EFHC2: variants seen among roughly 807,000 people sequenced by gnomAD.
EFHC2 encodes the protein EF-hand domain-containing family member C2.
In EFHC2, 18 loss-of-function variants were observed where a neutral mutation model predicts 52.7. That is an observed-to-expected ratio of 0.34 (90% CI 0.24 to 0.51). The LOEUF (loss-of-function observed/expected upper bound fraction) is 0.51, where lower values mean the gene tolerates loss of function less well. Among genes scored for constraint, EFHC2 ranks in the 20% least tolerant of loss-of-function variants. The pLI, the probability that EFHC2 is intolerant of heterozygous loss-of-function variation, is 0.97. For synonymous variants in EFHC2, 203 were observed against 204.1 expected, an observed-to-expected ratio of 0.99 and a Z score of 0.04; for missense variants, 513 against 562.5, an observed-to-expected ratio of 0.91 and a Z score of 0.89.
chrX:44,183,070 G>A (rs972316796), intron 11 of EFHC2, among the ~76,000 whole-genome samples: 1 of 111,289 alleles, frequency 9.0e-6, no homozygotes, highest in Non-Finnish European at 1.9e-5. Context: ...CTGAATCTCA[G>A]GGTATTTTCT....
In EFHC2 at chrX:44,248,415, A is replaced by C; in HGVS notation, c.973-5T>G. ...CTCTTGGTCTACTTTTCCTAGCTAA[A>C]AAAGACAAAGGAACATAGCATTGGC... On this transcript the variant is annotated splice_polypyrimidine_tract_variant and splice_region_variant and intron_variant, in intron 6 of 14. Transcript: ENST00000420999. 8.4e-7 allele frequency: 1 copy of C among 1,190,988 alleles called. No individual in the cohort carries two copies.
At chrX:44,325,728 C>G (rs1222620226) in intron 1 of EFHC2, among the ~76,000 whole-genome samples, 2 of 104,677 alleles carry the variant, frequency 1.9e-5, no homozygotes, top group Non-Finnish European at 1.9e-5. Context: ...CTCAAAAGCC[C>G]AGATGCTTGA....
Position 44,148,711 on chromosome X carries a change from G to T in EFHC2, c.*84C>A, listed in dbSNP as rs1373929455. On this transcript the variant is annotated 3_prime_UTR_variant, in exon 15 of 15. Transcript: ENST00000420999. ...TTAATATAAACCTTGTTTCTTTTTTGTTTTTAATGAAATTATATCTACTAA... is the reference window on the plus strand; with the variant it reads ...TTAATATAAACCTTGTTTCTTTTTTTTTTTTAATGAAATTATATCTACTAA... 8.8e-6 allele frequency: 7 copies of T among 798,501 alleles called. No homozygotes were observed. The highest frequency in any genetic ancestry group is 2.6e-5 in the South Asian group (1 of 38,017). 65.8% of individuals were successfully genotyped at this position (798,501 alleles called of 1,213,427 possible). A position where few individuals can be genotyped will look rare whatever the true frequency, so the allele number is the denominator to read the frequency against.
chrX:44,254,893 A>G (rs1393763854), intron 4 of EFHC2, among the ~76,000 whole-genome samples: 2 of 112,077 alleles, frequency 1.8e-5, no homozygotes, highest in Non-Finnish European at 3.8e-5. Context: ...GTTACCCACA[A>G]AGGGAAGCCC....
At chrX:44,155,189 T>C (rs184131579) in intron 14 of EFHC2, among the ~76,000 whole-genome samples, 4 of 112,331 alleles carry the variant, frequency 3.6e-5, no homozygotes, top group African/African-American at 1.3e-4. Context: ...CTGGGAATCA[T>C]TGTCTCCAAG....
At chrX:44,169,896 T>C (rs1261038755) in intron 13 of EFHC2, among the ~76,000 whole-genome samples, 1 of 111,868 alleles carries the variant, frequency 8.9e-6, no homozygotes, top group African/African-American at 3.3e-5. Flanking sequence ...GCAGACAGTA[T>C]CTGCAAATGA....
chrX:44,200,131 AGCT>A (rs1316687760), intron 11 of EFHC2, among the ~76,000 whole-genome samples: 4 of 111,968 alleles, frequency 3.6e-5, no homozygotes, highest in Non-Finnish European at 7.5e-5. Context: ...ACATAGAAAA[AGCT>A]GGGTGAGGGA....
chrX:44,190,354 A>C (rs1031442046), intron 11 of EFHC2, among the ~76,000 whole-genome samples: 1 of 111,608 alleles, frequency 9.0e-6, no homozygotes, highest in African/African-American at 3.3e-5. Context: ...GGGCAAAGGA[A>C]AAGAGAACAG....
chrX:44,266,986 A>G (rs767688637), intron 3 of EFHC2, among the ~76,000 whole-genome samples: 10 of 112,117 alleles, frequency 8.9e-5, no homozygotes, highest in Non-Finnish European at 1.7e-4. Context: ...ACTAAGAATC[A>G]TAGGGAAGCC....
intron 14 of EFHC2, among the ~76,000 whole-genome samples, chrX:44,153,641 G>C (rs745473799): frequency 9.0e-6 from 1 of 111,303 alleles, no homozygotes; most frequent in Non-Finnish European, 1.9e-5. Context: ...ATGGGGTGAG[G>C]GGCATCAATT....
intron 4 of EFHC2, among the ~76,000 whole-genome samples, chrX:44,260,085 T>C (rs772838689): frequency 1.8e-5 from 2 of 111,574 alleles, no homozygotes; most frequent in South Asian, 7.7e-4. Flanking sequence ...AACTCATCTA[T>C]GGGTATAGAA....
At chrX:44,232,865 G>C (rs1400693798) in intron 9 of EFHC2, among the ~76,000 whole-genome samples, 188 bp from the exon 10 acceptor site, 1 of 111,244 alleles carries the variant, frequency 9.0e-6, no homozygotes, top group East Asian at 2.8e-4. Flanking sequence ...TCCTAGGTGA[G>C]GATGTTCAAG....
At chrX:44,276,630 G>A (rs761794480) in intron 2 of EFHC2, among the ~76,000 whole-genome samples, 1 of 112,187 alleles carries the variant, frequency 8.9e-6, no homozygotes, top group South Asian at 3.7e-4. Context: ...GATATATGGT[G>A]CAAATTTAGC....
chrX:44,212,682 G>A (rs1410555138), intron 11 of EFHC2, among the ~76,000 whole-genome samples: 1 of 110,623 alleles, frequency 9.0e-6, no homozygotes, highest in East Asian at 2.8e-4. Context: ...ATCACTAAAG[G>A]CCTACTTGCC....
intron 7 of EFHC2, among the ~76,000 whole-genome samples, chrX:44,246,930 T>C (rs2037405191): frequency 8.9e-6 from 1 of 111,981 alleles, no homozygotes; most frequent in African/African-American, 3.3e-5. Context: ...ATTTTCATTC[T>C]ACACTAAAGA....
chrX:44,227,395 C>A (rs928809356), intron 11 of EFHC2, among the ~76,000 whole-genome samples: 48 of 110,847 alleles, frequency 4.3e-4, no homozygotes, highest in African/African-American at 1.5e-3. Context: ...AAATGAGCAG[C>A]CCCAAGCACA....
intron 11 of EFHC2, among the ~76,000 whole-genome samples, chrX:44,185,388 C>G (rs2036866293): frequency 9.0e-6 from 1 of 111,700 alleles, no homozygotes; most frequent in African/African-American, 3.3e-5. Flanking sequence ...TAGATGCCCT[C>G]TTTCACTCTC....
rs2036678298 is a variant in EFHC2, at chrX:44,164,122, A to C, written c.2043-95T>G. The C allele has an allele frequency of 6.9e-6, 3 of 436,055 alleles. No individual in the cohort carries two copies. The East Asian group carries it at 1.3e-4, about 19-fold the overall frequency. 35.9% of individuals were successfully genotyped at this position (436,055 alleles called of 1,213,427 possible). A position where few individuals can be genotyped will look rare whatever the true frequency, so the allele number is the denominator to read the frequency against. ...TTTTATCATGAAAACATAATACCAT[A>C]TATGCTTCAATATCTGATAGTTTTC... On this transcript the variant is annotated intron_variant, in intron 13 of 14. Coordinates refer to ENST00000420999, the MANE Select transcript of EFHC2 (RefSeq NM_025184.4).
chrX:44,340,408 T>C (rs1397258243), intron 1 of EFHC2, among the ~76,000 whole-genome samples: 4 of 111,009 alleles, frequency 3.6e-5, no homozygotes, highest in African/African-American at 1.3e-4. Context: ...TCCCAGCACT[T>C]TGGGAGGCTG....
Sources: gnomAD v4.1 joint callset for allele counts (sites outside exome capture counted in the v4.1 genomes callset) on GRCh38, gnomAD v4.1.1 for gene constraint, MANE v1.5 for transcripts, NCBI Gene and HGNC (gene_info 2026-07-23, HGNC 2026-07-21) for gene names.